IGSF1: variants seen among roughly 807,000 people sequenced by gnomAD.
The protein encoded by IGSF1 is immunoglobulin superfamily member 1.
Under a neutral mutation model 95.3 loss-of-function variants are expected in IGSF1, and 40 were observed. That is an observed-to-expected ratio of 0.42 (90% confidence interval 0.33 to 0.55). IGSF1 has a LOEUF of 0.55. Ranked by LOEUF, IGSF1 falls within the 20% of genes least tolerant of loss-of-function variation. The pLI, the probability that IGSF1 is intolerant of heterozygous loss-of-function variation, is 0.10. For synonymous variants in IGSF1, 372 were observed against 382.9 expected (o/e 0.97, Z 0.33); for missense variants, 906 against 1,025.4 (o/e 0.88, Z 1.59).
chrX:131,279,565 C>T (rs1391799633), intron 9 of IGSF1, among the ~76,000 whole-genome samples: 1 of 110,019 alleles, frequency 9.1e-6, no homozygotes, highest in Non-Finnish European at 1.9e-5. Flanking sequence ...CCCCCCCGCC[C>T]CCTCCCCACT....
chrX:131,283,000 A>G lies in IGSF1; in HGVS notation c.932T>C (p.Val311Ala), dbSNP rs754603948. 2.3e-5 allele frequency: 28 copies of G among 1,203,183 alleles called. 1 individual carries two copies. The South Asian group carries it at 4.2e-4, about 18-fold the overall frequency. The change falls in exon 6 of 20, where the codon GTC (valine) becomes GCC (alanine). Residue 311 changes from valine (V) to alanine (A), a missense_variant. This residue lies in a region of IGSF1 where 442 missense variants were observed against 448.1 expected (regional missense o/e 0.99). Coordinates refer to ENST00000361420, the MANE Select transcript of IGSF1 (RefSeq NM_001555.5). ...CTTACCAGTCACCCAGATTTTCAGGACATCACTAAGGAGTGAACCTCTATA... is the reference window on the plus strand; with the variant it reads ...CTTACCAGTCACCCAGATTTTCAGGGCATCACTAAGGAGTGAACCTCTATA... ...ASYRGSLLSD[V>A]LKIWVTDTFP...
In IGSF1 at chrX:131,279,268, C is replaced by T; in HGVS notation, c.1717+3G>A. The T allele has an allele frequency of 8.3e-7, 1 of 1,210,819 alleles. No homozygotes were observed. Among genetic ancestry groups the T allele is most frequent in the Non-Finnish European group, 1.1e-6 (1 of 894,786 alleles). ...CGGGGCCCCTTCCCCCACTTGTACT[C>T]ACCACAGCAGAGAAGGGCCGTGACT... On this transcript the variant is annotated splice_donor_region_variant and intron_variant, in intron 10 of 19. Coordinates refer to ENST00000361420, the MANE Select transcript of IGSF1 (RefSeq NM_001555.5).
chrX:131,285,851 A>C lies in IGSF1; in HGVS notation c.295T>G (p.Ser99Ala), dbSNP rs766304273. 1 of 1,208,284 alleles carries C rather than the reference A, an allele frequency of 8.3e-7. No individual in the cohort carries two copies. The highest frequency in any genetic ancestry group is 1.1e-6 in the Non-Finnish European group (1 of 894,098). ...CAGCACCGGTAAAGACCTGCATTGG[A>C]CTCAGTAAGGGCACCTATAAGGAAT... is the stretch of plus-strand genomic sequence containing the variant. ...VSFLIGALTE[S>A]NAGLYRCCYW... The change falls in exon 4 of 20, where the codon TCC becomes GCC. Residue 99 changes from serine (S) to alanine (A), a missense_variant. Coordinates refer to ENST00000361420, the MANE Select transcript of IGSF1 (RefSeq NM_001555.5).
chrX:131,282,438 A>G lies in IGSF1; in HGVS notation c.1246+6T>C. 8.4e-7 allele frequency: 1 copy of G among 1,193,327 alleles called. No individual in the cohort carries two copies. The stretch of plus-strand genomic sequence containing the variant: ...GTTGATAATAAAAACAGTTGTTAAC[A>G]CTTGCCTACAACCATAAGCTCCACA... On this transcript the variant is annotated splice_donor_region_variant and intron_variant, in intron 7 of 19. Transcript: ENST00000361420.
chrX:131,281,347 A>T lies in IGSF1; in HGVS notation c.1526-9T>A, dbSNP rs2080556277. On this transcript the variant is annotated splice_polypyrimidine_tract_variant and intron_variant, in intron 8 of 19. Transcript: ENST00000361420. ...ATTCCAGGTGAGATAGCCTGTGGCC[A>T]GAGAAGACCAGAATCAGAGGCCTTG... The T allele has an allele frequency of 8.3e-7, 1 of 1,209,420 alleles. No individual in the cohort carries two copies. The highest frequency in any genetic ancestry group is 1.1e-6 in the Non-Finnish European group (1 of 894,614).
chrX:131,285,760 A>G lies in IGSF1; in HGVS notation c.379+7T>C, dbSNP rs1328348050. 1 of 1,198,665 alleles carries G rather than the reference A, an allele frequency of 8.3e-7. No individual in the cohort carries two copies. The highest frequency in any genetic ancestry group is 1.8e-5 in the South Asian group (1 of 55,390). ...GAGTTGATTCTTGAGTATCACTGTC[A>G]TCTTACCTGGTGCCTCCAACTCTAG... On this transcript the variant is annotated splice_region_variant and intron_variant, in intron 4 of 19. Transcript: ENST00000361420.
At position 131,281,792 on chromosome X, in the gene IGSF1, C is replaced by G; in HGVS notation, c.1399G>C (p.Gly467Arg). Residue 467 changes from glycine (G) to arginine (R), a missense_variant, in exon 8 of 20, where the codon GGA becomes CGA. By Grantham distance (125) the Gly-to-Arg change is moderately radical (BLOSUM62 -2). Transcript: ENST00000361420. ...TCAACATTACTGATGATGAAGTCTCCGTTTACTGAGAATTTTTGGAATGTT... is the reference window on the plus strand; with the variant it reads ...TCAACATTACTGATGATGAAGTCTCGGTTTACTGAGAATTTTTGGAATGTT... ...RETFQKFSVNGDFIISNVDGK... is the reference protein window; with the variant it reads ...RETFQKFSVNRDFIISNVDGK... 1.7e-6 allele frequency: 2 copies of G among 1,211,107 alleles called. No individual in the cohort carries two copies. The highest frequency in any genetic ancestry group is 2.3e-4 in the Middle Eastern group (1 of 4,354).
rs1168386155 is a variant in IGSF1, at chrX:131,275,266, G to C, written c.3205C>G (p.Leu1069Val). The C allele has an allele frequency of 3.3e-6, 4 of 1,211,527 alleles. No homozygotes were observed. The highest frequency in any genetic ancestry group is 4.5e-6 in the Non-Finnish European group (4 of 895,248). ...LVTGLLPKPS[L>V]LAQPGPMVAP... The stretch of plus-strand genomic sequence containing the variant: ...ACCATGGGACCAGGCTGGGCTAATA[G>C]GCTGGGTTTGGGGAGTAAGCCTGGA... The change falls in exon 17 of 20, where the codon CTA (leucine) becomes GTA (valine). Residue 1069 changes from leucine to valine, a missense_variant. Physicochemically the swap from Leu to Val is conservative, Grantham distance 32. Coordinates refer to ENST00000361420, the MANE Select transcript of IGSF1 (RefSeq NM_001555.5).
intron 5 of IGSF1, among the ~76,000 whole-genome samples, 160 bp from the exon 6 acceptor site, chrX:131,283,424 G>A (rs775724757): frequency 4.8e-4 from 54 of 111,898 alleles, no homozygotes; most frequent in Non-Finnish European, 1.7e-4. Flanking sequence ...CATAATCAAG[G>A]GTAGATTCAC....
Position 131,285,348 on chromosome X carries a change from C to G in IGSF1, c.498G>C (p.Glu166Asp), listed in dbSNP as rs201255931. 1.1e-3 allele frequency: 1,355 copies of G among 1,210,375 alleles called. 1 individual carries two copies. Among genetic ancestry groups the G allele is most frequent in the Non-Finnish European group, 1.4e-3 (1,272 of 895,198 alleles). ...GGTAATCCACAGGCTCTGCATATCC[C>G]TCTTTAAACAGCATGAATACCAAAT... ...LQDLVFMLFKEGYAEPVDYQV... is the reference protein window; with the variant it reads ...LQDLVFMLFKDGYAEPVDYQV... The change falls in exon 5 of 20, where the codon GAG becomes GAC. Residue 166 changes from glutamate (E) to aspartate (D), a missense_variant. By Grantham distance (45) the Glu-to-Asp change is conservative. Around this residue, in one of 5 missense-constraint regions of IGSF1, gnomAD observed 442 missense variants for 448.1 expected, o/e 0.99. Coordinates refer to ENST00000361420, the MANE Select transcript of IGSF1 (RefSeq NM_001555.5).
chrX:131,282,416 G>A (rs758354051), intron 7 of IGSF1, 28 bp downstream of exon 7: 3 of 1,156,500 alleles, frequency 2.6e-6, no homozygotes, highest in East Asian at 3.0e-5. Context: ...CAAACAGGTT[G>A]ATAATAAAAA....
intron 5 of IGSF1, among the ~76,000 whole-genome samples, chrX:131,283,789 A>G (rs1036790082): frequency 2.7e-5 from 3 of 111,814 alleles, no homozygotes; most frequent in Non-Finnish European, 3.8e-5. Context: ...CTTTCCATGA[A>G]TTGTTTCTCC....
chrX:131,289,084 A>G, intron 1 of IGSF1, 130 bp downstream of exon 1: 18 of 333,580 alleles, frequency 5.4e-5, no homozygotes, highest in South Asian at 5.0e-4. Context: ...GTGGGGGGAC[A>G]GACTGGGGAG....
chrX:131,273,935 T>C lies in IGSF1; in HGVS notation c.3876-4A>G. ...TCTTCCGTCTGTCTCTGAGCCTCTATGTAAAGAAAAAGACATGAGTAAGGG... is the reference window on the plus strand; with the variant it reads ...TCTTCCGTCTGTCTCTGAGCCTCTACGTAAAGAAAAAGACATGAGTAAGGG... On this transcript the variant is annotated splice_polypyrimidine_tract_variant and splice_region_variant and intron_variant, in intron 19 of 19. Coordinates refer to ENST00000361420, the MANE Select transcript of IGSF1 (RefSeq NM_001555.5). The C allele has an allele frequency of 8.3e-7, 1 of 1,208,466 alleles. No homozygotes were observed. The highest frequency in any genetic ancestry group is 1.8e-5 in the South Asian group (1 of 56,419).
intron 1 of IGSF1, among the ~76,000 whole-genome samples, chrX:131,287,462 G>A (rs1317744948): frequency 9.1e-6 from 1 of 110,139 alleles, no homozygotes; most frequent in Non-Finnish European, 1.9e-5. Flanking sequence ...CCCTTCCATA[G>A]AATGCTTTAG....
At chrX:131,288,927 G>A in intron 1 of IGSF1, 1 of 235,620 alleles carries the variant, frequency 4.2e-6, no homozygotes, top group Non-Finnish European at 8.0e-6. Flanking sequence ...AAGGGGTTGG[G>A]CTCGGCGGGG....
intron 11 of IGSF1, 24 bp downstream of exon 11, chrX:131,279,119 C>G: frequency 8.5e-7 from 1 of 1,180,003 alleles, no homozygotes; most frequent in African/African-American, 1.7e-5. Context: ...AGGAATGTCC[C>G]AGTCTGGAGC....
At chrX:131,286,806 T>A in intron 1 of IGSF1, 65 bp from the exon 2 acceptor site, 1 of 484,921 alleles carries the variant, frequency 2.1e-6, no homozygotes, top group Non-Finnish European at 3.3e-6. Flanking sequence ...TTTAGATGGC[T>A]AAATTGCACT....
In IGSF1 at chrX:131,286,084, C is replaced by G. The variant is rs760759424; in HGVS notation, c.98-36G>C. On this transcript the variant is annotated intron_variant, in intron 3 of 19. Coordinates refer to ENST00000361420, the MANE Select transcript of IGSF1 (RefSeq NM_001555.5). Reference sequence around the variant, plus strand: ...CAAAGATCAAAAAGATATGAGCAGTCCAACCCTCTCCCTCCCATAACATGT... The same window carrying G: ...CAAAGATCAAAAAGATATGAGCAGTGCAACCCTCTCCCTCCCATAACATGT... 8 of 1,098,421 alleles carry G rather than the reference C, an allele frequency of 7.3e-6. No homozygotes were observed. The South Asian group carries it at 1.7e-4, about 23-fold the overall frequency. The allele number at this position is 1,098,421 out of a possible 1,213,427, so 90.5% of individuals were successfully genotyped here.
Sources: gnomAD v4.1 joint callset for allele counts (sites outside exome capture counted in the v4.1 genomes callset) on GRCh38, gnomAD v4.1.1 for gene constraint, gnomAD v4.1.1 regional missense constraint, MANE v1.5 for transcripts, NCBI Gene and HGNC (gene_info 2026-07-23, HGNC 2026-07-21) for gene names.